Variants in SIPA1L3 observed in about 807,000 individuals in gnomAD.
SIPA1L3 encodes the protein signal induced proliferation associated 1 like 3, also known as signal-induced proliferation-associated 1-like protein 3.
SIPA1L3 carries 59 observed loss-of-function variants against 150.1 expected under a neutral mutation model. The observed-to-expected ratio is 0.39, with a 90% confidence interval of 0.32 to 0.49. The LOEUF is 0.49. SIPA1L3 is among the 20% of genes least tolerant of loss of function. The probability of loss-of-function intolerance (pLI) is 0.86; values close to 1 mark genes in which losing one functional copy is unlikely to be tolerated. For missense variants in SIPA1L3, 2,211 were observed against 2,489.5 expected, an observed-to-expected ratio of 0.89 and a Z score of 2.38; for synonymous variants, 1,070 against 1,077.6, an observed-to-expected ratio of 0.99 and a Z score of 0.14.
chr19:37,960,111 A>T (rs1257806991), intron 1 of SIPA1L3, among the ~76,000 whole-genome samples: 1 of 151,854 alleles, frequency 6.6e-6, no homozygotes, highest in Admixed American at 6.6e-5. Context: ...ACCTTTTCTC[A>T]TGTTTTTTCT....
intron 8 of SIPA1L3, among the ~76,000 whole-genome samples, chr19:38,115,961 CT>C (rs1970872322): frequency 6.6e-6 from 1 of 152,154 alleles, no homozygotes; most frequent in African/African-American, 2.4e-5. Flanking sequence ...GAGTGTCGCA[CT>C]GTCGCCCTTG....
chr19:38,188,342 G>T (rs1409726418), intron 16 of SIPA1L3, among the ~76,000 whole-genome samples: 2 of 151,706 alleles, frequency 1.3e-5, no homozygotes, highest in African/African-American at 4.8e-5. Context: ...CCGCCAGCAT[G>T]CCCGGCTAAT....
intron 2 of SIPA1L3, among the ~76,000 whole-genome samples, chr19:38,075,380 CG>C (rs1292912878): frequency 2.0e-5 from 3 of 150,036 alleles, no homozygotes; most frequent in Non-Finnish European, 4.4e-5. Context: ...CGCTTGAACC[CG>C]GGAGGCGGAG....
chr19:37,977,646 C>T (rs1236789542), intron 1 of SIPA1L3, among the ~76,000 whole-genome samples: 2 of 140,252 alleles, frequency 1.4e-5, no homozygotes, highest in African/African-American at 5.7e-5. Flanking sequence ...AAGTGGGCTG[C>T]TGTCACCAGA....
rs564111291 is a variant in SIPA1L3, at chr19:37,954,085, A to T, written c.-379+46727A>T. On this transcript the variant is annotated intron_variant, in intron 1 of 21. Coordinates refer to ENST00000222345, the MANE Select transcript of SIPA1L3 (RefSeq NM_015073.3). ...AAATATTTTATGATGTGGTTAGATA[A>T]AAAAAAGTTTTTACTACCTTATTGA... is the stretch of plus-strand genomic sequence containing the variant. 4.6e-3 allele frequency among the ~76,000 whole-genome samples: 706 copies of T among 152,264 alleles called. 4 individuals are homozygous for T. The highest frequency in any genetic ancestry group is 0.016 in the African/African-American group (683 of 41,536).
intron 1 of SIPA1L3, among the ~76,000 whole-genome samples, chr19:37,967,201 C>T (rs546058289): frequency 2.3e-4 from 35 of 151,860 alleles, no homozygotes; most frequent in Non-Finnish European, 2.9e-4. Flanking sequence ...GATCTCTGCC[C>T]TCATCTTCAT....
chr19:38,172,799 G>C (rs905640480), intron 15 of SIPA1L3, among the ~76,000 whole-genome samples: 1 of 152,108 alleles, frequency 6.6e-6, no homozygotes, highest in Non-Finnish European at 1.5e-5. Flanking sequence ...CACATCATCT[G>C]ACTTAATGTT....
At position 38,164,972 on chromosome 19, in the gene SIPA1L3, C is replaced by A; in HGVS notation, c.4208+66C>A. 1 of 1,404,916 alleles carries A rather than the reference C, an allele frequency of 7.1e-7. No homozygotes were observed. Among genetic ancestry groups the A allele is most frequent in the Non-Finnish European group, 9.4e-7 (1 of 1,058,632 alleles). 87.0% of individuals were successfully genotyped at this position (1,404,916 alleles called of 1,614,324 possible). On this transcript the variant is annotated intron_variant, in intron 15 of 21. Coordinates refer to ENST00000222345, the MANE Select transcript of SIPA1L3 (RefSeq NM_015073.3). This position sits in a 1 kb window ranked among gnomAD's most constrained non-coding sequence, Gnocchi z 4.1. ...CTTCGCCAGTTCTACTTTTACGGTC[C>A]TGATGGTGGGGTTCTCCTCCCCAGA...
intron 7 of SIPA1L3, among the ~76,000 whole-genome samples, chr19:38,108,291 A>G (rs143961024): frequency 1.9e-4 from 28 of 151,144 alleles, no homozygotes; most frequent in African/African-American, 5.6e-4. Context: ...AGAGTTAAGA[A>G]GTGGGTTAGA....
In SIPA1L3 at chr19:38,130,485, C is replaced by A. The variant is rs552363846; in HGVS notation, c.2869-13C>A. On this transcript the variant is annotated splice_polypyrimidine_tract_variant and intron_variant, in intron 9 of 21. Transcript: ENST00000222345. ...AGCAGCTTCTGAGGCTCGATCCTGC[C>A]TGTGGCCTGCAGGTGATGACCAGTG... 1 of 1,604,450 alleles carries A rather than the reference C, an allele frequency of 6.2e-7. No individual in the cohort carries two copies. Among genetic ancestry groups the A allele is most frequent in the East Asian group, 2.2e-5 (1 of 44,730 alleles).
chr19:37,989,546 C>T (rs1316504650), intron 1 of SIPA1L3, among the ~76,000 whole-genome samples: 2 of 152,128 alleles, frequency 1.3e-5, no homozygotes, highest in East Asian at 1.9e-4. Context: ...CAGCACCTAT[C>T]TTGAGCTCCA....
At chr19:38,137,678 C>T (rs1971465153) in intron 10 of SIPA1L3, among the ~76,000 whole-genome samples, 1 of 151,888 alleles carries the variant, frequency 6.6e-6, no homozygotes, top group Non-Finnish European at 1.5e-5. Context: ...TTTTTGGACA[C>T]AGGATCTTGC....
At chr19:37,937,128 A>C (rs1306007227) in intron 1 of SIPA1L3, among the ~76,000 whole-genome samples, 1 of 152,130 alleles carries the variant, frequency 6.6e-6, no homozygotes, top group South Asian at 2.1e-4. Flanking sequence ...TTCCCAAAGC[A>C]TTGGCATTAC....
chr19:37,983,190 T>G (rs192475068), intron 1 of SIPA1L3, among the ~76,000 whole-genome samples: 44 of 152,292 alleles, frequency 2.9e-4, no homozygotes, highest in African/African-American at 1.1e-3. Flanking sequence ...TAAACAGAAC[T>G]TAACTTGCAG....
intron 1 of SIPA1L3, among the ~76,000 whole-genome samples, chr19:37,970,002 A>G (rs1966894566): frequency 6.6e-6 from 1 of 152,132 alleles, no homozygotes; most frequent in African/African-American, 2.4e-5. Flanking sequence ...TTATTTATTT[A>G]TTTTTGCTTT....
chr19:38,105,868 CTGGGCTGTGG>C lies in SIPA1L3; in HGVS notation c.2030-667_2030-658del, dbSNP rs568358881. Among the ~76,000 whole-genome samples the C allele has an allele frequency of 2.0e-5, 3 of 152,290 alleles. No homozygotes were observed. The East Asian group carries it at 5.8e-4, about 29-fold the overall frequency. On this transcript the variant is annotated intron_variant, in intron 6 of 21. Coordinates refer to ENST00000222345, the MANE Select transcript of SIPA1L3 (RefSeq NM_015073.3). ...CCCAGGACACGTGTGCATGATTTCTCTGGGCTGTGGTCCAAGGAAAGGAAGTGCCAGGTTA... is the reference window on the plus strand; with the variant it reads ...CCCAGGACACGTGTGCATGATTTCTCTCCAAGGAAAGGAAGTGCCAGGTTA...
intron 4 of SIPA1L3, among the ~76,000 whole-genome samples, chr19:38,094,529 G>A (rs553199824): frequency 1.3e-5 from 2 of 152,264 alleles, no homozygotes; most frequent in South Asian, 4.2e-4. Flanking sequence ...GAGATTACAG[G>A]CATGAGCCAC....
At chr19:37,953,893 C>T (rs75352815) in intron 1 of SIPA1L3, among the ~76,000 whole-genome samples, 131 of 152,256 alleles carry the variant, frequency 8.6e-4, no homozygotes, top group African/African-American at 2.9e-3. Context: ...ATCTGATCAT[C>T]GTTAAACATT....
In SIPA1L3 at chr19:38,140,332, G is replaced by A. The variant is rs982971374; in HGVS notation, c.3144-852G>A. ...AAGCCAGGAGCACCATGGTGCATGT[G>A]CCAGCCTGGTCTAGGGGGAGTCACA... is the stretch of plus-strand genomic sequence containing the variant. On this transcript the variant is annotated intron_variant, in intron 10 of 21. Coordinates refer to ENST00000222345, the MANE Select transcript of SIPA1L3 (RefSeq NM_015073.3). Among the ~76,000 whole-genome samples, 4 of 152,090 alleles carry A rather than the reference G, an allele frequency of 2.6e-5. No individual in the cohort carries two copies. In the East Asian group the frequency reaches 7.7e-4, roughly 29 times the overall value.
Sources: gnomAD v4.1 joint callset for allele counts (sites outside exome capture counted in the v4.1 genomes callset) on GRCh38, gnomAD v4.1.1 for gene constraint, Gnocchi (gnomAD v3.1) non-coding constraint, MANE v1.5 for transcripts, NCBI Gene and HGNC (gene_info 2026-07-23, HGNC 2026-07-21) for gene names.